SIK3: variants seen among roughly 807,000 people sequenced by gnomAD.
The protein encoded by SIK3 is serine/threonine-protein kinase SIK3.
A neutral mutation model predicts 144.2 loss-of-function variants in SIK3; 28 were observed. That is an observed-to-expected ratio of 0.19 (90% CI 0.14 to 0.27). The LOEUF (loss-of-function observed/expected upper bound fraction) is 0.27. Ranked by LOEUF, SIK3 falls within the 10% of genes least tolerant of loss-of-function variation. The pLI is 1.00. For synonymous variants in SIK3, 686 were observed against 676.3 expected, an observed-to-expected ratio of 1.01 and a Z score of -0.22; for missense variants, 1,319 against 1,776.0, an observed-to-expected ratio of 0.74 and a Z score of 4.62.
chr11:116,872,979 T>A (rs1043333344), intron 13 of SIK3, among the ~76,000 whole-genome samples: 3 of 152,254 alleles, frequency 2.0e-5, no homozygotes, highest in African/African-American at 7.2e-5. Context: ...GTGACTAAGA[T>A]AACTGACTCG....
rs545008842 is a variant in SIK3, at chr11:116,849,683, C to T, written c.3656-400G>A. On this transcript the variant is annotated intron_variant, in intron 21 of 24. Transcript: ENST00000445177. This position sits in a 1 kb window ranked among gnomAD's most constrained non-coding sequence, Gnocchi z 4.2. ...GCTGGCTGCGTCCTCTCTCCTCCCC[C>T]GGTGACCTCAGTGTACCACGCTGCT... Among the ~76,000 whole-genome samples the T allele has an allele frequency of 3.9e-4, 60 of 152,282 alleles. No homozygotes were observed. The highest frequency in any genetic ancestry group is 6.5e-4 in the Non-Finnish European group (44 of 68,012).
At chr11:116,855,509 TAC>T (rs1942837083) in intron 21 of SIK3, 1 of 152,230 alleles carries the variant, frequency 6.6e-6, no homozygotes, top group Non-Finnish European at 1.5e-5. Context: ...CCAGACTTTC[TAC>T]ACACACAAGT....
chr11:117,085,173 G>A (rs1349663450), intron 1 of SIK3, among the ~76,000 whole-genome samples: 1 of 151,590 alleles, frequency 6.6e-6, no homozygotes, highest in East Asian at 1.9e-4. Flanking sequence ...ATGCAGTGGC[G>A]CAACCATAGT....
chr11:117,013,967 C>CTTTTTTTTTTTTT (rs1951406146), intron 1 of SIK3, among the ~76,000 whole-genome samples: 11 of 7,364 alleles, frequency 1.5e-3, no homozygotes, highest in Non-Finnish European at 3.6e-3. Flanking sequence ...TTCTTTTTTT[C>CTTTTTTTTTTTTT]TTTTCTTTTT....
At chr11:116,882,908 G>A (rs1263515754) in intron 6 of SIK3, among the ~76,000 whole-genome samples, 8 of 152,102 alleles carry the variant, frequency 5.3e-5, no homozygotes, top group Non-Finnish European at 1.2e-4. Flanking sequence ...ATCTAAAAAG[G>A]AAACAAAAAT....
chr11:117,086,417 T>C (rs1236697401), intron 1 of SIK3, among the ~76,000 whole-genome samples: 1 of 152,200 alleles, frequency 6.6e-6, no homozygotes, highest in Non-Finnish European at 1.5e-5. Context: ...GTAGGCTGGG[T>C]GCAGTGGCTC....
chr11:117,001,623 A>G (rs933018798), intron 1 of SIK3, among the ~76,000 whole-genome samples: 1 of 152,326 alleles, frequency 6.6e-6, no homozygotes, highest in African/African-American at 2.4e-5. Context: ...TGGAGGCTGC[A>G]GTGAGCCATG....
At chr11:116,870,078 G>C in intron 14 of SIK3, 1 of 1,454,806 alleles carries the variant, frequency 6.9e-7, no homozygotes, top group Non-Finnish European at 9.2e-7. Context: ...GGAAGAAGGA[G>C]GGAGGAAAGA....
At chr11:116,956,216 G>A (rs1405881773) in intron 2 of SIK3, among the ~76,000 whole-genome samples, 2 of 152,020 alleles carry the variant, frequency 1.3e-5, no homozygotes, top group Admixed American at 6.6e-5. Context: ...AGCCTGCTAA[G>A]GCAAGGTCCT....
chr11:116,920,822 G>A (rs547712117), intron 4 of SIK3, among the ~76,000 whole-genome samples: 1 of 152,348 alleles, frequency 6.6e-6, no homozygotes, highest in African/African-American at 2.4e-5. Context: ...AACAGGACAT[G>A]GTTACAGTCC....
At chr11:116,856,919 C>T (rs1429977104) in intron 21 of SIK3, 1 of 152,132 alleles carries the variant, frequency 6.6e-6, no homozygotes, top group Non-Finnish European at 1.5e-5. Flanking sequence ...CAGGGTTGTA[C>T]AGTTTACAGA....
At chr11:116,847,695 C>A (rs541896248) in intron 22 of SIK3, 87 bp from the exon 23 acceptor site, 17 of 1,575,836 alleles carry the variant, frequency 1.1e-5, no homozygotes, top group South Asian at 5.6e-5. Context: ...TCTGAAGGAG[C>A]CCAGGCAAAA....
intron 1 of SIK3, among the ~76,000 whole-genome samples, chr11:117,071,784 T>A (rs1433035287): frequency 8.5e-6 from 1 of 117,596 alleles, no homozygotes; most frequent in African/African-American, 3.9e-5. Context: ...CTTGGTTAAT[T>A]TTTTTTTTTT....
chr11:117,073,440 G>A (rs974739420), intron 1 of SIK3, among the ~76,000 whole-genome samples: 15 of 152,114 alleles, frequency 9.9e-5, no homozygotes, highest in African/African-American at 3.4e-4. Context: ...CAAGAGCCCT[G>A]GAGTCATATA....
At position 116,849,515 on chromosome 11, in the gene SIK3, G is replaced by C. The variant is rs1942264851; in HGVS notation, c.3656-232C>G. 6.6e-6 allele frequency among the ~76,000 whole-genome samples: 1 copy of C among 152,114 alleles called. No homozygotes were observed. Among genetic ancestry groups the C allele is most frequent in the South Asian group, 2.1e-4 (1 of 4,818 alleles). ...TAGGGAAAAAATTCCACGTAACAGG[G>C]CATGGCTGGACCCCACCGAACCTTC... On this transcript the variant is annotated intron_variant, in intron 21 of 24. Transcript: ENST00000445177. This position sits in a 1 kb window ranked among gnomAD's most constrained non-coding sequence, Gnocchi z 4.2.
chr11:116,907,597 G>A (rs925642038), intron 4 of SIK3, among the ~76,000 whole-genome samples: 4 of 152,104 alleles, frequency 2.6e-5, no homozygotes, highest in African/African-American at 7.2e-5. Context: ...CACCAGAGTC[G>A]AAATTGCACC....
intron 1 of SIK3, among the ~76,000 whole-genome samples, chr11:117,082,575 G>A (rs1028162162): frequency 2.6e-4 from 39 of 152,308 alleles, no homozygotes; most frequent in Middle Eastern, 3.4e-3. Flanking sequence ...TCCAGATGAC[G>A]TAAATCGATA....
intron 1 of SIK3, among the ~76,000 whole-genome samples, chr11:116,965,762 TA>T (rs371572588): frequency 1.3e-5 from 1 of 77,280 alleles, no homozygotes; most frequent in Admixed American, 1.4e-4. Flanking sequence ...TATATATATA[TA>T]TATATATATA....
intron 1 of SIK3, among the ~76,000 whole-genome samples, chr11:116,960,670 C>T (rs769781231): frequency 1.6e-4 from 25 of 152,314 alleles, no homozygotes; most frequent in Non-Finnish European, 2.5e-4. Flanking sequence ...GAACAGGTTA[C>T]TTAATTTTCC....
Sources: allele counts gnomAD v4.1 joint callset (sites outside exome capture counted in the v4.1 genomes callset), GRCh38; gene constraint gnomAD v4.1.1; non-coding constraint Gnocchi (gnomAD v3.1); transcripts MANE v1.5; gene names NCBI Gene and HGNC (gene_info 2026-07-23, HGNC 2026-07-21).